Variants in ASAP1 observed in about 807,000 individuals in gnomAD.
ASAP1 encodes the protein ArfGAP with SH3 domain, ankyrin repeat and PH domain 1, also known as arf-GAP with SH3 domain, ANK repeat and PH domain-containing protein 1.
ASAP1 carries 43 observed loss-of-function variants against 145.2 expected under a neutral mutation model. The ratio of observed to expected loss-of-function variants is 0.30; its 90% CI spans 0.23 to 0.38. The LOEUF (loss-of-function observed/expected upper bound fraction) is 0.38, where lower values mean the gene tolerates loss of function less well. Ranked by LOEUF, ASAP1 falls within the 10% of genes least tolerant of loss-of-function variation. The pLI is 1.00. For missense variants in ASAP1, 1,018 were observed against 1,355.3 expected, an observed-to-expected ratio of 0.75 and a Z score of 3.91; for synonymous variants, 546 against 515.5, an observed-to-expected ratio of 1.06 and a Z score of -0.80.
rs142998703 is a variant in ASAP1, at chr8:130,151,797, G to A, written c.1080+939C>T. Reference sequence around the variant, plus strand: ...AGGACTAGTAAGTGCCCAAGGGGGCGCTTACAGTCTAGTAAGATGATGTGT... The same window carrying A: ...AGGACTAGTAAGTGCCCAAGGGGGCACTTACAGTCTAGTAAGATGATGTGT... On this transcript the variant is annotated intron_variant, in intron 13 of 29. Coordinates refer to ENST00000518721, the MANE Select transcript of ASAP1 (RefSeq NM_018482.4). Among the ~76,000 whole-genome samples the A allele has an allele frequency of 7.1e-4, 108 of 152,332 alleles. 1 individual carries two copies. The highest frequency in any genetic ancestry group is 2.5e-3 in the African/African-American group (102 of 41,570).
intron 3 of ASAP1, among the ~76,000 whole-genome samples, chr8:130,286,073 A>G (rs62525927): frequency 0.18 from 27,974 of 152,184 alleles, 3,259 homozygotes; most frequent in East Asian, 0.44. Context: ...TATCTCCCTC[A>G]ATCCTCACAA....
chr8:130,367,437 C>CT (rs1433337957), intron 2 of ASAP1, among the ~76,000 whole-genome samples: 1 of 152,204 alleles, frequency 6.6e-6, no homozygotes, highest in Non-Finnish European at 1.5e-5. Flanking sequence ...TTTATGAGCA[C>CT]TTTTCAAAGC....
intron 12 of ASAP1, among the ~76,000 whole-genome samples, chr8:130,157,550 T>C (rs1197282040): frequency 1.3e-5 from 2 of 152,140 alleles, no homozygotes; most frequent in South Asian, 4.1e-4. Context: ...GAGAGAAGCT[T>C]CCAAAACATG....
intron 27 of ASAP1, among the ~76,000 whole-genome samples, chr8:130,072,830 C>CGCGCGCGCGCGCGG (rs1448184178): frequency 6.3e-5 from 2 of 31,930 alleles, no homozygotes; most frequent in African/African-American, 2.0e-4. Context: ...TGTGTGCGCG[C>CGCGCGCGCGCGCGG]GGGGGGGGGC....
intron 3 of ASAP1, among the ~76,000 whole-genome samples, chr8:130,315,090 A>C (rs980008300): frequency 3.3e-5 from 5 of 152,216 alleles, no homozygotes; most frequent in African/African-American, 1.2e-4. Context: ...ACCACAAAAC[A>C]CTACAGCAAC....
intron 24 of ASAP1, among the ~76,000 whole-genome samples, chr8:130,099,879 T>A (rs1024063731): frequency 3.9e-5 from 6 of 152,106 alleles, no homozygotes; most frequent in Admixed American, 3.9e-4. Context: ...ATATTCCATA[T>A]GTATATATAC....
chr8:130,424,195 C>G (rs1829827246), intron 1 of ASAP1, among the ~76,000 whole-genome samples: 1 of 152,172 alleles, frequency 6.6e-6, no homozygotes. Flanking sequence ...GGGAGAGTTG[C>G]AAAATGTCCT....
chr8:130,065,747 T>C (rs946430660), intron 27 of ASAP1, among the ~76,000 whole-genome samples: 1 of 152,212 alleles, frequency 6.6e-6, no homozygotes, highest in African/African-American at 2.4e-5. Context: ...CCACCTAAAA[T>C]CTGGAGAAGC....
chr8:130,213,670 T>C (rs967517725), intron 5 of ASAP1, among the ~76,000 whole-genome samples: 3 of 152,158 alleles, frequency 2.0e-5, no homozygotes, highest in African/African-American at 7.2e-5. Context: ...ATGATATAAA[T>C]AGTTTTCCTT....
intron 3 of ASAP1, among the ~76,000 whole-genome samples, chr8:130,348,863 T>C (rs1825839532): frequency 6.6e-6 from 1 of 152,212 alleles, no homozygotes; most frequent in South Asian, 2.1e-4. Flanking sequence ...CAATCAATTA[T>C]GCAGGTACAT....
intron 2 of ASAP1, among the ~76,000 whole-genome samples, chr8:130,383,547 C>T (rs1044641093): frequency 6.6e-6 from 1 of 152,150 alleles, no homozygotes; most frequent in Non-Finnish European, 1.5e-5. Context: ...CATGAACTGC[C>T]TTGTTTAATC....
chr8:130,209,854 AC>A (rs1336234090), intron 5 of ASAP1, among the ~76,000 whole-genome samples: 1 of 152,174 alleles, frequency 6.6e-6, no homozygotes, highest in Admixed American at 6.5e-5. Flanking sequence ...TATTTGCCAA[AC>A]ATTTTCTTGA....
intron 1 of ASAP1, among the ~76,000 whole-genome samples, chr8:130,415,910 C>G (rs1041916782): frequency 6.6e-6 from 1 of 152,158 alleles, no homozygotes; most frequent in Non-Finnish European, 1.5e-5. Context: ...CACCACTGTT[C>G]CAGTCCTCAA....
chr8:130,073,094 C>T (rs541023549), intron 27 of ASAP1, among the ~76,000 whole-genome samples: 2 of 150,458 alleles, frequency 1.3e-5, no homozygotes, highest in African/African-American at 2.4e-5. Flanking sequence ...TTGGTGAATT[C>T]GGATTATGGA....
At chr8:130,338,582 A>T (rs181290037) in intron 3 of ASAP1, among the ~76,000 whole-genome samples, 1 of 152,214 alleles carries the variant, frequency 6.6e-6, no homozygotes, top group Non-Finnish European at 1.5e-5. Flanking sequence ...CTAGCTAGTC[A>T]TGCATCTGTG....
chr8:130,353,736 G>A (rs1184176834), intron 3 of ASAP1, among the ~76,000 whole-genome samples: 2 of 152,120 alleles, frequency 1.3e-5, no homozygotes, highest in African/African-American at 2.4e-5. Flanking sequence ...CAGGCATGGC[G>A]GTGTGCACCT....
chr8:130,236,802 A>T, intron 4 of ASAP1, 120 bp downstream of exon 4: 2 of 668,262 alleles, frequency 3.0e-6, no homozygotes, highest in Non-Finnish European at 4.7e-6. Context: ...AATTTCTTTT[A>T]CCTACTTACT....
At chr8:130,397,373 T>C (rs1377739007) in intron 2 of ASAP1, among the ~76,000 whole-genome samples, 2 of 152,164 alleles carry the variant, frequency 1.3e-5, no homozygotes, top group African/African-American at 4.8e-5. Flanking sequence ...ACTCCTGGCC[T>C]CAGGTGATCC....
chr8:130,131,630 A>AG lies in ASAP1; in HGVS notation c.1217+2665dup, dbSNP rs2097583222. ...AAAAAAAAAAAAAAAAAAAAAAAAAAGAAATGAAAATTAGCTGGGCGTGGT... is the reference window on the plus strand; with the variant it reads ...AAAAAAAAAAAAAAAAAAAAAAAAAAGGAAATGAAAATTAGCTGGGCGTGGT... On this transcript the variant is annotated intron_variant, in intron 15 of 29. Coordinates refer to ENST00000518721, the MANE Select transcript of ASAP1 (RefSeq NM_018482.4). 5.5e-5 allele frequency among the ~76,000 whole-genome samples: 8 copies of AG among 144,530 alleles called. No individual in the cohort carries two copies. In the Admixed American group the frequency reaches 5.6e-4, roughly 10 times the overall value. 94.8% of individuals were successfully genotyped at this position (144,530 alleles called of 152,430 possible).
Sources: gnomAD v4.1 joint callset for allele counts (sites outside exome capture counted in the v4.1 genomes callset) on GRCh38, gnomAD v4.1.1 for gene constraint, MANE v1.5 for transcripts, NCBI Gene and HGNC (gene_info 2026-07-23, HGNC 2026-07-21) for gene names.